Variants in HERC2 observed in about 807,000 individuals in gnomAD.
The protein encoded by HERC2 is E3 ubiquitin-protein ligase HERC2.
In HERC2, 102 loss-of-function variants were observed where a neutral mutation model predicts 537.7. The ratio of observed to expected loss-of-function variants is 0.19; its 90% CI spans 0.16 to 0.22. HERC2 has a LOEUF of 0.22. Ranked by LOEUF, HERC2 falls within the 10% of genes least tolerant of loss-of-function variation. The probability of loss-of-function intolerance (pLI) is 1.00; values close to 1 mark genes in which losing one functional copy is unlikely to be tolerated. For synonymous variants in HERC2, 2,224 were observed against 2,466.2 expected (o/e 0.90, Z 2.91); for missense variants, 4,236 against 6,198.2 (o/e 0.68, Z 10.63).
At chr15:28,261,533 A>G (rs914208643) in intron 15 of HERC2, among the ~76,000 whole-genome samples, 2 of 152,238 alleles carry the variant, frequency 1.3e-5, no homozygotes, top group African/African-American at 4.8e-5. Flanking sequence ...CACTGCAGTA[A>G]GGGGAAAAAT....
intron 79 of HERC2, among the ~76,000 whole-genome samples, chr15:28,135,247 C>T (rs2142190152): frequency 6.6e-6 from 1 of 152,260 alleles, no homozygotes; most frequent in Admixed American, 6.5e-5. Flanking sequence ...TAGTACTTGT[C>T]ATCAAAAACA....
intron 47 of HERC2, 67 bp from the exon 48 acceptor site, chr15:28,201,621 A>G: frequency 1.1e-6 from 1 of 951,722 alleles, no homozygotes. Context: ...AAAAAGAAAT[A>G]AGTCTGTGAA....
chr15:28,215,446 T>G (rs1327432679), intron 39 of HERC2, among the ~76,000 whole-genome samples, 175 bp downstream of exon 39: 2 of 152,186 alleles, frequency 1.3e-5, no homozygotes, highest in Non-Finnish European at 2.9e-5. Flanking sequence ...AACTGAAGGT[T>G]AGCAACTTAC....
At chr15:28,216,965 T>C (rs1413557278) in intron 38 of HERC2, among the ~76,000 whole-genome samples, 2 of 152,142 alleles carry the variant, frequency 1.3e-5, no homozygotes. Context: ...ACACCTATAC[T>C]GTTATAACCT....
intron 20 of HERC2, 96 bp downstream of exon 20, chr15:28,254,244 T>C (rs559103581): frequency 9.7e-6 from 8 of 822,778 alleles, no homozygotes; most frequent in East Asian, 8.6e-5. Flanking sequence ...GATGGCGCCA[T>C]AGCACTCCGG....
intron 23 of HERC2, among the ~76,000 whole-genome samples, chr15:28,244,504 C>T (rs547092733): frequency 1.2e-4 from 18 of 152,258 alleles, no homozygotes; most frequent in African/African-American, 4.3e-4. Flanking sequence ...GGTCCTGCCA[C>T]CATCCAGGCT....
In HERC2 at chr15:28,132,199, G is replaced by A. The variant is rs747023259; in HGVS notation, c.12471C>T (p.Thr4157=). ...CAGTGTCGTCATCTGTGAGGCAGAG[G>A]GTCTGGGCATCTCCACTGCCACAGG... ...DIACGSGDAQ[T]LCLTDDDTVW... The change falls in exon 81 of 93, where the codon ACC becomes ACT. Residue 4157 remains threonine (T), a synonymous_variant. Coordinates refer to ENST00000261609, the MANE Select transcript of HERC2 (RefSeq NM_004667.6). 19 of 1,613,900 alleles carry A rather than the reference G, an allele frequency of 1.2e-5. No homozygotes were observed. The highest frequency in any genetic ancestry group is 1.1e-4 in the South Asian group (10 of 91,052).
intron 75 of HERC2, 140 bp downstream of exon 75, chr15:28,142,687 A>G (rs1358214018): frequency 1.3e-6 from 1 of 794,662 alleles, no homozygotes; most frequent in Non-Finnish European, 2.0e-6. Context: ...TCATTTCTTG[A>G]GATTTTTTCA....
chr15:28,147,822 G>T (rs1000224876), intron 70 of HERC2, among the ~76,000 whole-genome samples: 1 of 152,152 alleles, frequency 6.6e-6, no homozygotes, highest in Non-Finnish European at 1.5e-5. Flanking sequence ...GACTGCTTGA[G>T]CCCAGGAGTT....
chr15:28,315,875 C>T, intron 2 of HERC2: 3 of 496,024 alleles, frequency 6.0e-6, no homozygotes, highest in Non-Finnish European at 1.2e-5. Context: ...CTGTCTAGAG[C>T]TTGTCTCAAT....
chr15:28,150,488 G>T (rs150771724), intron 70 of HERC2, among the ~76,000 whole-genome samples: 1 of 140,888 alleles, frequency 7.1e-6, no homozygotes, highest in Admixed American at 7.3e-5. Flanking sequence ...AAAAACACAC[G>T]CAGCTTCTAA....
intron 44 of HERC2, among the ~76,000 whole-genome samples, chr15:28,207,328 G>A (rs561004229): frequency 6.6e-6 from 1 of 152,156 alleles, no homozygotes; most frequent in South Asian, 2.1e-4. Flanking sequence ...ATAGATGGGG[G>A]TTTCACCATG....
intron 2 of HERC2, among the ~76,000 whole-genome samples, chr15:28,317,859 A>G (rs1256277851): frequency 6.6e-6 from 1 of 152,240 alleles, no homozygotes; most frequent in Non-Finnish European, 1.5e-5. Context: ...ATATACAGTG[A>G]CCTCTCTAGT....
rs557444120 is a variant in HERC2 at position 28,113,902 on chromosome 15, C to T, written c.13914-224G>A. On this transcript the variant is annotated intron_variant, in intron 90 of 92. Coordinates refer to ENST00000261609, the MANE Select transcript of HERC2 (RefSeq NM_004667.6). This position sits in a 1 kb window ranked among gnomAD's most constrained non-coding sequence, Gnocchi z 7.0. ...CCGACAGGGTACGGCCTAATGACCA[C>T]CTACAGCTATGCACACCCCAAGACG... Among the ~76,000 whole-genome samples, 83 of 152,306 alleles carry T rather than the reference C, an allele frequency of 5.4e-4. No individual in the cohort carries two copies. The highest frequency in any genetic ancestry group is 1.9e-3 in the African/African-American group (80 of 41,556).
At chr15:28,311,031 C>T (rs1333907892) in intron 2 of HERC2, among the ~76,000 whole-genome samples, 5 of 129,994 alleles carry the variant, frequency 3.8e-5, no homozygotes, top group African/African-American at 1.4e-4. Context: ...GAGTGGAGAT[C>T]GCACCACAGC....
Position 28,245,705 on chromosome 15 carries a change from T to C in HERC2, c.3577+176A>G, listed in dbSNP as rs141106054. Among the ~76,000 whole-genome samples, 573 of 152,104 alleles carry C rather than the reference T, an allele frequency of 3.8e-3. 2 individuals are homozygous for C. Among genetic ancestry groups the C allele is most frequent in the Non-Finnish European group, 6.6e-3 (447 of 68,004 alleles). On this transcript the variant is annotated intron_variant, in intron 23 of 92. Transcript: ENST00000261609. ...AACACACATATATTTGGTTAATATA[T>C]ACATATATGACCCAAATTTCTTCTG...
intron 2 of HERC2, among the ~76,000 whole-genome samples, chr15:28,311,889 C>CA (rs1191788335): frequency 6.6e-6 from 1 of 151,976 alleles, no homozygotes; most frequent in Non-Finnish European, 1.5e-5. Flanking sequence ...AAAAAAAAGC[C>CA]AAAAGATGGA....
intron 23 of HERC2, among the ~76,000 whole-genome samples, chr15:28,243,183 A>G (rs1340729527): frequency 6.6e-6 from 1 of 152,228 alleles, no homozygotes; most frequent in African/African-American, 2.4e-5. Context: ...AGGTGCTGGC[A>G]CAAAGACACT....
chr15:28,194,550 C>T (rs943908921), intron 52 of HERC2, among the ~76,000 whole-genome samples: 1 of 151,310 alleles, frequency 6.6e-6, no homozygotes, highest in Non-Finnish European at 1.5e-5. Context: ...CCAGCCTGGG[C>T]GACAGAGCGA....
Sources: allele counts gnomAD v4.1 joint callset (sites outside exome capture counted in the v4.1 genomes callset), GRCh38; gene constraint gnomAD v4.1.1; non-coding constraint Gnocchi (gnomAD v3.1); transcripts MANE v1.5; gene names NCBI Gene and HGNC (gene_info 2026-07-23, HGNC 2026-07-21).